CAMK1D: variants seen among roughly 807,000 people sequenced by gnomAD.
CAMK1D encodes the protein calcium/calmodulin dependent protein kinase ID, also known as calcium/calmodulin-dependent protein kinase type 1D.
Under a neutral mutation model 47.7 loss-of-function variants are expected in CAMK1D, and 9 were observed. The observed-to-expected ratio is 0.19, with a 90% CI of 0.11 to 0.33. The LOEUF (loss-of-function observed/expected upper bound fraction) is 0.33, where lower values mean the gene tolerates loss of function less well. CAMK1D is among the 10% of genes least tolerant of loss of function. The pLI, the probability that CAMK1D is intolerant of heterozygous loss-of-function variation, is 1.00. For missense variants in CAMK1D, 291 were observed against 488.7 expected (o/e 0.60, Z 3.81); for synonymous variants, 184 against 184.9 (o/e 0.99, Z 0.04).
At chr10:12,785,418 T>G (rs573682996) in intron 5 of CAMK1D, among the ~76,000 whole-genome samples, 2 of 152,160 alleles carry the variant, frequency 1.3e-5, no homozygotes, top group African/African-American at 4.8e-5. Context: ...GCAGGAGGCA[T>G]GGGAGCAGCA....
At chr10:12,691,449 T>G (rs1393704749) in intron 3 of CAMK1D, among the ~76,000 whole-genome samples, 5 of 92,354 alleles carry the variant, frequency 5.4e-5, no homozygotes, top group South Asian at 3.8e-4. Flanking sequence ...TTTTTTTTTT[T>G]TGAGTGAGAG....
Position 12,518,132 on chromosome 10 carries a change from C to T in CAMK1D, c.93-35093C>T, listed in dbSNP as rs77372267. On this transcript the variant is annotated intron_variant, in intron 1 of 10. Transcript: ENST00000619168. ...GTGGTAGTTTTTATCTACTAAAGAACTGGTCTATTTCATCTAAGCTACGCA... is the reference window on the plus strand; with the variant it reads ...GTGGTAGTTTTTATCTACTAAAGAATTGGTCTATTTCATCTAAGCTACGCA... 3.9e-4 allele frequency among the ~76,000 whole-genome samples: 59 copies of T among 152,232 alleles called. No homozygotes were observed. In the East Asian group the frequency reaches 7.5e-3, roughly 19 times the overall value.
chr10:12,482,953 A>G (rs1365410118), intron 1 of CAMK1D, among the ~76,000 whole-genome samples: 1 of 152,172 alleles, frequency 6.6e-6, no homozygotes. Flanking sequence ...CAGGTGGTTA[A>G]TAACCCTTTC....
chr10:12,781,163 G>T (rs1428228532), intron 5 of CAMK1D, among the ~76,000 whole-genome samples: 1 of 152,208 alleles, frequency 6.6e-6, no homozygotes, highest in Non-Finnish European at 1.5e-5. Flanking sequence ...GGGAAAGAGG[G>T]GGAGGGCAGC....
rs149046207 is a variant in CAMK1D at position 12,634,974 on chromosome 10, A to G, written c.225-31762A>G. Among the ~76,000 whole-genome samples the G allele has an allele frequency of 4.7e-4, 72 of 152,288 alleles. No individual in the cohort carries two copies. In the East Asian group the frequency reaches 0.014, roughly 29 times the overall value. ...GCTCACTCATTCCTTCATTTGGCAG[A>G]TGCCATATACTGTGCTGGAAGAGAG... On this transcript the variant is annotated intron_variant, in intron 2 of 10. Coordinates refer to ENST00000619168, the MANE Select transcript of CAMK1D (RefSeq NM_153498.4).
intron 1 of CAMK1D, among the ~76,000 whole-genome samples, chr10:12,401,506 A>G (rs1372226953): frequency 2.0e-5 from 3 of 150,590 alleles, no homozygotes; most frequent in Non-Finnish European, 4.4e-5. Context: ...TGGGGGCACA[A>G]AAACAGCCAG....
intron 2 of CAMK1D, among the ~76,000 whole-genome samples, chr10:12,567,117 C>A (rs1356658514): frequency 6.6e-6 from 1 of 152,154 alleles, no homozygotes; most frequent in Non-Finnish European, 1.5e-5. Context: ...AATGAAGATA[C>A]TACTTCTCGG....
chr10:12,415,870 A>G (rs998375789), intron 1 of CAMK1D: 2 of 151,854 alleles, frequency 1.3e-5, no homozygotes, highest in Non-Finnish European at 2.9e-5. Flanking sequence ...CGGTGGCACA[A>G]TCACAGCCCA....
intron 1 of CAMK1D, among the ~76,000 whole-genome samples, chr10:12,352,603 G>A (rs1335908235): frequency 1.3e-5 from 2 of 150,430 alleles, no homozygotes; most frequent in African/African-American, 4.9e-5. Context: ...AGTGAGACTC[G>A]GTCTCAAAAA....
chr10:12,595,846 T>C (rs1477479145), intron 2 of CAMK1D, among the ~76,000 whole-genome samples: 3 of 152,174 alleles, frequency 2.0e-5, no homozygotes, highest in Admixed American at 2.0e-4. Context: ...GGCATTTTTG[T>C]ATTGCACTGG....
At chr10:12,808,208 C>T (rs142212025) in intron 6 of CAMK1D, among the ~76,000 whole-genome samples, 66 of 152,356 alleles carry the variant, frequency 4.3e-4, no homozygotes, top group Non-Finnish European at 7.3e-4. Flanking sequence ...GCTTGGCTTG[C>T]ACGCCCTTGT....
intron 8 of CAMK1D, among the ~76,000 whole-genome samples, chr10:12,820,670 C>T (rs1230791831): frequency 1.3e-5 from 2 of 152,228 alleles, no homozygotes; most frequent in Admixed American, 6.5e-5. Flanking sequence ...GGACACCTTC[C>T]TTAGCCCCCA....
At chr10:12,487,498 T>G (rs1178405786) in intron 1 of CAMK1D, among the ~76,000 whole-genome samples, 1 of 152,264 alleles carries the variant, frequency 6.6e-6, no homozygotes, top group Non-Finnish European at 1.5e-5. Flanking sequence ...GGAGTTGGCC[T>G]GTGGCAGAGA....
intron 4 of CAMK1D, among the ~76,000 whole-genome samples, chr10:12,763,846 T>G (rs1045952482): frequency 3.3e-5 from 5 of 152,226 alleles, no homozygotes; most frequent in Admixed American, 2.6e-4. Context: ...CTTGCAAAGA[T>G]GCCATAATAT....
intron 1 of CAMK1D, among the ~76,000 whole-genome samples, chr10:12,450,088 A>C: frequency 7.6e-6 from 1 of 131,290 alleles, no homozygotes; most frequent in Non-Finnish European, 1.6e-5. Context: ...CTGTTCCTTC[A>C]CCCAAGGAAG....
At chr10:12,574,405 G>A (rs1837425923) in intron 2 of CAMK1D, among the ~76,000 whole-genome samples, 1 of 148,312 alleles carries the variant, frequency 6.7e-6, no homozygotes, top group African/African-American at 2.5e-5. Flanking sequence ...AGGTTCAAGC[G>A]ATTCTCATGC....
chr10:12,587,583 A>G (rs1276079681), intron 2 of CAMK1D, among the ~76,000 whole-genome samples: 4 of 150,320 alleles, frequency 2.7e-5, no homozygotes, highest in African/African-American at 9.8e-5. Context: ...AGGTGGCTTC[A>G]TATGCAGCCC....
intron 3 of CAMK1D, among the ~76,000 whole-genome samples, chr10:12,746,417 C>A (rs1835684434): frequency 6.7e-6 from 1 of 150,282 alleles, no homozygotes; most frequent in Admixed American, 6.6e-5. Flanking sequence ...GAGGCTAACA[C>A]ATTTTAGAAA....
chr10:12,510,999 G>A (rs7911448), intron 1 of CAMK1D, among the ~76,000 whole-genome samples: 30,181 of 152,154 alleles, frequency 0.2, 3,164 homozygotes, highest in African/African-American at 0.23. Context: ...CAAGCAGGGT[G>A]GTTTGACCTC....
Sources: gnomAD v4.1 joint callset for allele counts (sites outside exome capture counted in the v4.1 genomes callset) on GRCh38, gnomAD v4.1.1 for gene constraint, MANE v1.5 for transcripts, NCBI Gene and HGNC (gene_info 2026-07-23, HGNC 2026-07-21) for gene names.